The following ADGRB3 variants were observed in gnomAD, a reference collection of about 807,000 sequenced individuals.
ADGRB3 encodes brain-specific angiogenesis inhibitor 3.
Under a neutral mutation model 193.4 loss-of-function variants are expected in ADGRB3, and 37 were observed. The observed-to-expected ratio is 0.19, with a 90% CI of 0.15 to 0.25. The LOEUF is 0.25. Ranked by LOEUF, ADGRB3 falls within the 10% of genes least tolerant of loss-of-function variation. ADGRB3 has a pLI of 1.00. For missense variants in ADGRB3, 1,637 were observed against 1,852.9 expected, an observed-to-expected ratio of 0.88 and a Z score of 2.14; for synonymous variants, 690 against 644.2, an observed-to-expected ratio of 1.07 and a Z score of -1.08.
At chr6:69,205,392 AC>A (rs1007756586) in intron 17 of ADGRB3, among the ~76,000 whole-genome samples, 6 of 111,098 alleles carry the variant, frequency 5.4e-5, no homozygotes, top group Non-Finnish European at 7.1e-5. Context: ...AGAATAAAAG[AC>A]CTTTTTTTTT....
chr6:69,385,798 C>T (rs1952435), intron 31 of ADGRB3, among the ~76,000 whole-genome samples: 89,438 of 151,874 alleles, frequency 0.59, 28,707 homozygotes, highest in East Asian at 0.85. Context: ...GACAGCTCCA[C>T]GGTTCATCAT....
At chr6:68,738,514 A>G (rs1278902843) in intron 3 of ADGRB3, among the ~76,000 whole-genome samples, 3 of 152,170 alleles carry the variant, frequency 2.0e-5, no homozygotes, top group African/African-American at 7.2e-5. Flanking sequence ...AGTGGACTGA[A>G]CAAAGGTGAT....
At chr6:68,842,684 C>T (rs1472079989) in intron 3 of ADGRB3, among the ~76,000 whole-genome samples, 1 of 151,914 alleles carries the variant, frequency 6.6e-6, no homozygotes, top group African/African-American at 2.4e-5. Context: ...CAGTATTACC[C>T]TGATACCAAA....
chr6:69,256,964 G>C (rs1384585195), intron 20 of ADGRB3, among the ~76,000 whole-genome samples: 1 of 117,754 alleles, frequency 8.5e-6, no homozygotes, highest in Non-Finnish European at 1.9e-5. Flanking sequence ...AGATAATCAT[G>C]TGGTTTTTGT....
At chr6:69,291,359 A>G (rs1386706846) in intron 20 of ADGRB3, among the ~76,000 whole-genome samples, 6 of 152,170 alleles carry the variant, frequency 3.9e-5, no homozygotes, top group Admixed American at 2.0e-4. Flanking sequence ...TGTTGATACT[A>G]TTATTCCTAT....
At chr6:68,922,313 C>G (rs1300403403) in intron 3 of ADGRB3, among the ~76,000 whole-genome samples, 2 of 152,146 alleles carry the variant, frequency 1.3e-5, no homozygotes, top group African/African-American at 4.8e-5. Flanking sequence ...AAAAAAATTT[C>G]TGTCTCATGT....
At position 69,010,884 on chromosome 6, in the gene ADGRB3, A is replaced by G. The variant is rs1453885573; in HGVS notation, c.1930-3154A>G. Among the ~76,000 whole-genome samples, 8 of 152,186 alleles carry G rather than the reference A, an allele frequency of 5.3e-5. No homozygotes were observed. The East Asian group carries it at 1.4e-3, about 26-fold the overall frequency. The stretch of plus-strand genomic sequence containing the variant: ...GGGATTGACATAAGTGACCTAATCC[A>G]TAAATCATCAAAAGAGAACTATTAT... On this transcript the variant is annotated intron_variant, in intron 11 of 31. Coordinates refer to ENST00000370598, the MANE Select transcript of ADGRB3 (RefSeq NM_001704.3).
At chr6:69,348,007 G>A (rs1204621963) in intron 26 of ADGRB3, among the ~76,000 whole-genome samples, 1 of 152,026 alleles carries the variant, frequency 6.6e-6, no homozygotes, top group African/African-American at 2.4e-5. Flanking sequence ...CACTTCTTAG[G>A]CAGGGAAATG....
chr6:69,122,053 G>C (rs1773715969), intron 17 of ADGRB3, among the ~76,000 whole-genome samples: 1 of 150,848 alleles, frequency 6.6e-6, no homozygotes, highest in Non-Finnish European at 1.5e-5. Flanking sequence ...CCCAGACGGG[G>C]TGGTGGCCGG....
chr6:68,751,790 G>A (rs1052294693), intron 3 of ADGRB3, among the ~76,000 whole-genome samples: 3 of 152,052 alleles, frequency 2.0e-5, no homozygotes, highest in Non-Finnish European at 2.9e-5. Context: ...GAACACAAAC[G>A]CAAGGGGGCA....
Position 68,635,294 on chromosome 6 carries a change from C to A in ADGRB3, c.-894C>A, listed in dbSNP as rs1042460067. On this transcript the variant is annotated 5_prime_UTR_variant, in exon 1 of 32. Transcript: ENST00000370598. ...AGGGAGAGCGAGCACTGCGCGCCGG[C>A]GCGCACACCCGAGACAGAGCTTTAC... 3 of 151,142 alleles carry A rather than the reference C, an allele frequency of 2.0e-5. No homozygotes were observed. Among genetic ancestry groups the A allele is most frequent in the Admixed American group, 2.0e-4 (3 of 15,214 alleles). The allele number at this position is 151,142 out of a possible 1,614,324, so 9.4% of individuals were successfully genotyped here.
intron 11 of ADGRB3, among the ~76,000 whole-genome samples, chr6:69,007,693 T>TCA (rs764934080): frequency 0.01 from 933 of 90,136 alleles, 13 homozygotes; most frequent in African/African-American, 0.02. Flanking sequence ...TCTCTCTCTC[T>TCA]CACACACACA....
intron 17 of ADGRB3, among the ~76,000 whole-genome samples, chr6:69,146,501 C>T (rs923207506): frequency 6.6e-6 from 1 of 152,212 alleles, no homozygotes; most frequent in South Asian, 2.1e-4. Flanking sequence ...TCCCAGCTCC[C>T]AAGAGCACAA....
chr6:68,986,681 T>A (rs1345262411), intron 10 of ADGRB3, among the ~76,000 whole-genome samples: 1 of 152,186 alleles, frequency 6.6e-6, no homozygotes, highest in Non-Finnish European at 1.5e-5. Flanking sequence ...ATTTAGATTG[T>A]TGCTTTATGA....
intron 20 of ADGRB3, among the ~76,000 whole-genome samples, chr6:69,276,561 A>G (rs1323362323): frequency 3.9e-5 from 6 of 152,244 alleles, no homozygotes; most frequent in South Asian, 2.1e-4. Flanking sequence ...TTAAATACAC[A>G]TTTACAATAT....
intron 3 of ADGRB3, among the ~76,000 whole-genome samples, chr6:68,883,364 G>GGGGTCACGT (rs1425747780): frequency 6.6e-6 from 1 of 152,186 alleles, no homozygotes; most frequent in Non-Finnish European, 1.5e-5. Context: ...GGATGTGGGT[G>GGGGTCACGT]GGGTCAGATA....
chr6:69,004,540 T>C (rs1562118267), intron 11 of ADGRB3, among the ~76,000 whole-genome samples: 1 of 151,488 alleles, frequency 6.6e-6, no homozygotes, highest in South Asian at 2.1e-4. Context: ...ATTAGGTGTT[T>C]CTCCTAATGC....
chr6:69,387,302 A>G (rs577982098), intron 31 of ADGRB3, among the ~76,000 whole-genome samples: 72 of 152,196 alleles, frequency 4.7e-4, no homozygotes, highest in African/African-American at 1.7e-3. Flanking sequence ...TTGATTGAAG[A>G]GAAGCAGAGA....
intron 17 of ADGRB3, among the ~76,000 whole-genome samples, chr6:69,116,014 A>C (rs184892004): frequency 6.6e-6 from 1 of 152,308 alleles, no homozygotes; most frequent in Admixed American, 6.5e-5. Context: ...GCTATCGAGC[A>C]GGGCATTCAG....
Sources: gnomAD v4.1 joint callset for allele counts (sites outside exome capture counted in the v4.1 genomes callset) on GRCh38, gnomAD v4.1.1 for gene constraint, MANE v1.5 for transcripts, NCBI Gene and HGNC (gene_info 2026-07-23, HGNC 2026-07-21) for gene names.